DDX42: variants seen among roughly 807,000 people sequenced by gnomAD.
The protein encoded by DDX42 is ATP-dependent RNA helicase DDX42.
Under a neutral mutation model 101.5 loss-of-function variants are expected in DDX42, and 22 were observed. That is an observed-to-expected ratio of 0.22 (90% CI 0.15 to 0.31). The LOEUF (loss-of-function observed/expected upper bound fraction) is 0.31, where lower values mean the gene tolerates loss of function less well. DDX42 is among the 10% of genes least tolerant of loss of function. The probability of loss-of-function intolerance (pLI) is 1.00; values close to 1 mark genes in which losing one functional copy is unlikely to be tolerated. For synonymous variants in DDX42, 402 were observed against 401.2 expected, an observed-to-expected ratio of 1.00 and a Z score of -0.02; for missense variants, 849 against 1,199.9, an observed-to-expected ratio of 0.71 and a Z score of 4.32.
chr17:63,792,580 TC>T lies in DDX42; in HGVS notation c.372+19del. ...AAGTGGAGGCAAGTATCAACATGTT[TC>T]ATTAAAATATTTAGCAGTTAGAAAT... is the stretch of plus-strand genomic sequence containing the variant. On this transcript the variant is annotated intron_variant, in intron 3 of 17. Coordinates refer to ENST00000389924, the MANE Select transcript of DDX42 (RefSeq NM_203499.3). The T allele has an allele frequency of 1.9e-6, 3 of 1,598,090 alleles. No individual in the cohort carries two copies. In the South Asian group the frequency reaches 3.4e-5, roughly 18 times the overall value.
Position 63,817,992 on chromosome 17 carries a change from A to T in DDX42, c.2411A>T (p.Asn804Ile). The T allele has an allele frequency of 6.2e-7, 1 of 1,614,184 alleles. No individual in the cohort carries two copies. The highest frequency in any genetic ancestry group is 8.5e-7 in the Non-Finnish European group (1 of 1,180,028). ...NNSREGTGGS[N>I]GKRERYTENR... ...AGCCGAGAAGGGACTGGGGGCAGCA[A>T]CGGGAAAAGAGAGAGATATACTGAG... Residue 804 changes from asparagine (N) to isoleucine (I), a missense_variant, in exon 18 of 18, where the codon AAC (asparagine) becomes ATC (isoleucine). This residue lies in a region of DDX42 where 300 missense variants were observed against 304.9 expected (regional missense o/e 0.98). Transcript: ENST00000389924.
At chr17:63,781,427 C>T (rs1436088034) in intron 1 of DDX42, among the ~76,000 whole-genome samples, 1 of 151,986 alleles carries the variant, frequency 6.6e-6, no homozygotes, top group Non-Finnish European at 1.5e-5. Flanking sequence ...CCGTGTTAGC[C>T]AGGATGGTCT....
At chr17:63,781,240 CAG>C (rs773289777) in intron 1 of DDX42, among the ~76,000 whole-genome samples, 26 of 152,070 alleles carry the variant, frequency 1.7e-4, no homozygotes, top group Non-Finnish European at 2.1e-4. Flanking sequence ...TTTTTTGAGA[CAG>C]AGTCTCGCAC....
At chr17:63,812,902 A>G (rs1033890728) in intron 14 of DDX42, among the ~76,000 whole-genome samples, 4 of 152,136 alleles carry the variant, frequency 2.6e-5, no homozygotes, top group African/African-American at 7.2e-5. Flanking sequence ...GCGCGTGCCT[A>G]TAATCCCAGC....
At chr17:63,798,238 A>AG in intron 4 of DDX42, 139 bp downstream of exon 4, 1 of 699,222 alleles carries the variant, frequency 1.4e-6, no homozygotes, top group Non-Finnish European at 2.4e-6. Flanking sequence ...TGTATCTTGA[A>AG]TACTTTAAGA....
At chr17:63,814,831 A>T (rs2039957548) in intron 15 of DDX42, among the ~76,000 whole-genome samples, 1 of 151,972 alleles carries the variant, frequency 6.6e-6, no homozygotes, top group Admixed American at 6.6e-5. Context: ...CTGGGATTAG[A>T]GGCATGTGCC....
At chr17:63,782,733 A>G (rs2039503592) in intron 1 of DDX42, among the ~76,000 whole-genome samples, 1 of 152,164 alleles carries the variant, frequency 6.6e-6, no homozygotes, top group South Asian at 2.1e-4. Context: ...CGTTGCTGCA[A>G]CAGCCTTCTA....
intron 11 of DDX42, among the ~76,000 whole-genome samples, chr17:63,810,003 A>G (rs1385108180): frequency 6.6e-6 from 1 of 152,128 alleles, no homozygotes; most frequent in Non-Finnish European, 1.5e-5. Context: ...CTATCCTCGT[A>G]GCTGTCTTTA....
chr17:63,815,486 T>C (rs778019888), intron 15 of DDX42, 77 bp from the exon 16 acceptor site: 6 of 1,125,056 alleles, frequency 5.3e-6, no homozygotes, highest in Non-Finnish European at 7.8e-6. Context: ...TCCCACTTAA[T>C]TTCCTCTTTG....
At chr17:63,811,891 C>T (rs754850113) in intron 13 of DDX42, 41 bp from the exon 14 acceptor site, 1 of 1,613,544 alleles carries the variant, frequency 6.2e-7, no homozygotes, top group Non-Finnish European at 8.5e-7. Context: ...TGCCCTGTGG[C>T]TCCAATGTCA....
intron 1 of DDX42, among the ~76,000 whole-genome samples, chr17:63,776,752 C>T (rs919130630): frequency 9.2e-5 from 14 of 151,858 alleles, no homozygotes; most frequent in Non-Finnish European, 1.9e-4. Context: ...AGGCGTGAGC[C>T]ACCACACACA....
At chr17:63,807,495 G>A (rs551411413) in intron 8 of DDX42, among the ~76,000 whole-genome samples, 1 of 152,290 alleles carries the variant, frequency 6.6e-6, no homozygotes, top group African/African-American at 2.4e-5. Flanking sequence ...TCTGTAAGTG[G>A]TGGCTGATAT....
intron 7 of DDX42, chr17:63,805,382 T>G (rs925659394): frequency 1.7e-6 from 1 of 575,990 alleles, no homozygotes; most frequent in Non-Finnish European, 2.8e-6. Context: ...TAGGATCATT[T>G]TCTTGTTTCA....
intron 2 of DDX42, among the ~76,000 whole-genome samples, chr17:63,790,731 G>A (rs976989799): frequency 6.6e-6 from 1 of 152,180 alleles, no homozygotes; most frequent in East Asian, 1.9e-4. Flanking sequence ...CTGCACTCCA[G>A]CCTGGGCGAC....
At chr17:63,780,792 T>C (rs767142940) in intron 1 of DDX42, among the ~76,000 whole-genome samples, 1 of 152,224 alleles carries the variant, frequency 6.6e-6, no homozygotes, top group African/African-American at 2.4e-5. Context: ...TATGAACCTT[T>C]TGATTATTTA....
chr17:63,800,724 A>G (rs2039752669), intron 6 of DDX42, 107 bp downstream of exon 6: 6 of 1,376,682 alleles, frequency 4.4e-6, no homozygotes, highest in Admixed American at 2.1e-5. Context: ...TCATGAGCGT[A>G]TGCATCTTGT....
rs760258892 is a variant in DDX42 at position 63,816,848 on chromosome 17, A to G, written c.2014-20A>G. 1.0e-5 allele frequency: 16 copies of G among 1,598,296 alleles called. No individual in the cohort carries two copies. Among genetic ancestry groups the G allele is most frequent in the African/African-American group, 2.7e-5 (2 of 74,256 alleles). ...TTCCTGCTTATTTTTTCATTCTCAT[A>G]GATGTGTTTATTTTTTTAGGATCGA... On this transcript the variant is annotated intron_variant, in intron 16 of 17. Coordinates refer to ENST00000389924, the MANE Select transcript of DDX42 (RefSeq NM_203499.3).
intron 1 of DDX42, among the ~76,000 whole-genome samples, chr17:63,777,052 G>A (rs560474671): frequency 1.6e-4 from 24 of 152,188 alleles, no homozygotes; most frequent in South Asian, 1.5e-3. Context: ...GACTACAGGC[G>A]TGTGCCACCA....
intron 2 of DDX42, among the ~76,000 whole-genome samples, chr17:63,790,326 A>G (rs1598327824): frequency 6.6e-6 from 1 of 152,166 alleles, no homozygotes; most frequent in East Asian, 1.9e-4. Flanking sequence ...GCATAAGCAT[A>G]TAGACTATAT....
Sources: allele counts gnomAD v4.1 joint callset (sites outside exome capture counted in the v4.1 genomes callset), GRCh38; gene constraint gnomAD v4.1.1; regional missense constraint gnomAD v4.1.1; transcripts MANE v1.5; gene names NCBI Gene and HGNC (gene_info 2026-07-23, HGNC 2026-07-21).